The following FAM13C variants were observed in gnomAD, a reference collection of about 807,000 sequenced individuals.
FAM13C encodes the protein protein FAM13C.
In FAM13C, 37 loss-of-function variants were observed where a neutral mutation model predicts 73.2. That is an observed-to-expected ratio of 0.51 (90% CI 0.39 to 0.67). The LOEUF (loss-of-function observed/expected upper bound fraction) is 0.67, where lower values mean the gene tolerates loss of function less well. Ranked by LOEUF, FAM13C falls within the 30% of genes least tolerant of loss-of-function variation. The pLI, the probability that FAM13C is intolerant of heterozygous loss-of-function variation, is 0.00. For synonymous variants in FAM13C, 246 were observed against 260.9 expected, an observed-to-expected ratio of 0.94 and a Z score of 0.55; for missense variants, 589 against 715.6, an observed-to-expected ratio of 0.82 and a Z score of 2.02.
At chr10:59,348,961 G>A (rs372480824) in intron 3 of FAM13C, among the ~76,000 whole-genome samples, 1 of 151,876 alleles carries the variant, frequency 6.6e-6, no homozygotes, top group Non-Finnish European at 1.5e-5. Context: ...TATATCTTGA[G>A]GTTTTTTTTC....
intron 6 of FAM13C, among the ~76,000 whole-genome samples, chr10:59,270,490 A>G (rs990505528): frequency 1.3e-5 from 2 of 151,024 alleles, no homozygotes; most frequent in African/African-American, 5.0e-5. Flanking sequence ...ATAGATTATC[A>G]GGAAGAAAAG....
At chr10:59,258,312 C>T (rs1842138525) in intron 10 of FAM13C, among the ~76,000 whole-genome samples, 1 of 151,960 alleles carries the variant, frequency 6.6e-6, no homozygotes, top group East Asian at 1.9e-4. Flanking sequence ...TGAGAGCTCA[C>T]CTCTACAAAA....
At chr10:59,269,168 C>T (rs1843413691) in intron 7 of FAM13C, among the ~76,000 whole-genome samples, 2 of 151,948 alleles carry the variant, frequency 1.3e-5, no homozygotes, top group Admixed American at 6.6e-5. Context: ...CATGCAATGC[C>T]AATAATTCAC....
intron 6 of FAM13C, among the ~76,000 whole-genome samples, chr10:59,273,276 T>A (rs769962237): frequency 6.6e-6 from 1 of 152,166 alleles, no homozygotes; most frequent in Non-Finnish European, 1.5e-5. Flanking sequence ...TTTGGTGAAA[T>A]CTTAAGATAA....
At chr10:59,347,950 C>A (rs1259453845) in intron 3 of FAM13C, among the ~76,000 whole-genome samples, 1 of 152,026 alleles carries the variant, frequency 6.6e-6, no homozygotes, top group Non-Finnish European at 1.5e-5. Flanking sequence ...CAGTTGGTTC[C>A]AAGTCTTTGC....
At chr10:59,341,185 C>G (rs1053644189) in intron 3 of FAM13C, among the ~76,000 whole-genome samples, 3 of 152,116 alleles carry the variant, frequency 2.0e-5, no homozygotes, top group Admixed American at 2.0e-4. Flanking sequence ...ACCACGCTGG[C>G]AAATCGACTT....
At chr10:59,306,350 A>G (rs1848249561) in intron 4 of FAM13C, among the ~76,000 whole-genome samples, 1 of 152,212 alleles carries the variant, frequency 6.6e-6, no homozygotes, top group Admixed American at 6.5e-5. Context: ...AACCTCCAGA[A>G]CAAGTTTGAG....
chr10:59,254,241 C>A, intron 11 of FAM13C, 107 bp downstream of exon 11: 1 of 650,676 alleles, frequency 1.5e-6, no homozygotes, highest in Non-Finnish European at 2.4e-6. Flanking sequence ...GCCTTGTTTG[C>A]AGTATATACT....
chr10:59,325,981 G>T (rs1388920323), intron 3 of FAM13C, among the ~76,000 whole-genome samples: 1 of 151,786 alleles, frequency 6.6e-6, no homozygotes, highest in East Asian at 1.9e-4. Context: ...ACTCTAAAAG[G>T]TTTAAATCAA....
chr10:59,287,033 C>CAAAA (rs1202727571), intron 5 of FAM13C, among the ~76,000 whole-genome samples: 1 of 38,966 alleles, frequency 2.6e-5, no homozygotes, highest in Non-Finnish European at 5.1e-5. Flanking sequence ...GACTCCATCT[C>CAAAA]AAAAAAAAAA....
chr10:59,279,336 A>T (rs1844673129), intron 6 of FAM13C, among the ~76,000 whole-genome samples: 1 of 152,242 alleles, frequency 6.6e-6, no homozygotes, highest in African/African-American at 2.4e-5. Flanking sequence ...ACTCTGACCT[A>T]TGTCAACTTC....
chr10:59,268,454 C>T lies in FAM13C; in HGVS notation c.942+99G>A. 2.0e-6 allele frequency: 3 copies of T among 1,520,370 alleles called. No homozygotes were observed. The South Asian group carries it at 3.8e-5, about 19-fold the overall frequency. 94.2% of individuals were successfully genotyped at this position (1,520,370 alleles called of 1,614,324 possible). On this transcript the variant is annotated intron_variant, in intron 8 of 13. Transcript: ENST00000618804. ...TTGGCCCATGGGAACAGAGCTGTCC[C>T]CTGGCAAAGAAGGGCACCCAGAAAG... is the stretch of plus-strand genomic sequence containing the variant.
At chr10:59,286,781 C>T (rs1220160475) in intron 5 of FAM13C, among the ~76,000 whole-genome samples, 2 of 151,446 alleles carry the variant, frequency 1.3e-5, no homozygotes, top group Non-Finnish European at 2.9e-5. Context: ...TACCTGTAAT[C>T]CCAGCACTTT....
chr10:59,356,171 C>G (rs981393601), intron 1 of FAM13C, among the ~76,000 whole-genome samples: 1 of 152,056 alleles, frequency 6.6e-6, no homozygotes, highest in Non-Finnish European at 1.5e-5. Context: ...CTCCTTTTTG[C>G]CTCCACTGTC....
intron 3 of FAM13C, among the ~76,000 whole-genome samples, chr10:59,344,439 C>T (rs1339109564): frequency 1.7e-4 from 18 of 107,750 alleles, no homozygotes; most frequent in East Asian, 1.6e-3. Flanking sequence ...CCACCACGCA[C>T]GGCTGATTTT....
intron 6 of FAM13C, among the ~76,000 whole-genome samples, chr10:59,270,518 G>T (rs1843599395): frequency 6.9e-6 from 1 of 144,408 alleles, no homozygotes; most frequent in African/African-American, 2.9e-5. Context: ...AACCAGTGAA[G>T]GAAGGGAGAG....
intron 12 of FAM13C, 73 bp from the exon 13 acceptor site, chr10:59,251,749 G>T: frequency 1.7e-6 from 2 of 1,165,670 alleles, no homozygotes; most frequent in Non-Finnish European, 1.2e-6. Context: ...AGATTTATCT[G>T]TTCAGCCAAA....
chr10:59,341,860 G>T (rs1277764588), intron 3 of FAM13C, among the ~76,000 whole-genome samples: 3 of 152,156 alleles, frequency 2.0e-5, no homozygotes, highest in African/African-American at 4.8e-5. Flanking sequence ...TCAGTTACCT[G>T]TGCCTAGAGG....
At chr10:59,302,103 C>CGTACTAATTCAGAG (rs1847676545) in intron 5 of FAM13C, among the ~76,000 whole-genome samples, 4 of 152,172 alleles carry the variant, frequency 2.6e-5, no homozygotes, top group Admixed American at 6.5e-5. Context: ...CTTAATCAGA[C>CGTACTAATTCAGAG]GTACTAAATA....
Sources: gnomAD v4.1 joint callset for allele counts (sites outside exome capture counted in the v4.1 genomes callset) on GRCh38, gnomAD v4.1.1 for gene constraint, MANE v1.5 for transcripts, NCBI Gene and HGNC (gene_info 2026-07-23, HGNC 2026-07-21) for gene names.